Variants in GFRA3 observed in about 807,000 individuals in gnomAD.
GFRA3 encodes the protein GDNF family receptor alpha 3.
A neutral mutation model predicts 40.0 loss-of-function variants in GFRA3; 24 were observed. The ratio of observed to expected loss-of-function variants is 0.60; its 90% CI spans 0.43 to 0.84. The LOEUF (loss-of-function observed/expected upper bound fraction) is 0.84, where lower values mean the gene tolerates loss of function less well. Among genes scored for constraint, GFRA3 ranks in the 40% least tolerant of loss-of-function variants. GFRA3 has a pLI of 0.00. For synonymous variants in GFRA3, 203 were observed against 213.5 expected, an observed-to-expected ratio of 0.95 and a Z score of 0.43; for missense variants, 405 against 530.6, an observed-to-expected ratio of 0.76 and a Z score of 2.33.
At chr5:138,268,924 C>CAAAAAA (rs70979600) in intron 1 of GFRA3, among the ~76,000 whole-genome samples, 1 of 92,416 alleles carries the variant, frequency 1.1e-5, no homozygotes. Flanking sequence ...GACTCCATCT[C>CAAAAAA]AAAAAAAAAA....
chr5:138,258,810 C>T (rs1354542143), intron 3 of GFRA3, among the ~76,000 whole-genome samples: 2 of 152,152 alleles, frequency 1.3e-5, no homozygotes, highest in South Asian at 2.1e-4. Context: ...ATACTCTGTT[C>T]CCCATACTCT....
chr5:138,265,978 G>A (rs1321218508), intron 1 of GFRA3, among the ~76,000 whole-genome samples: 3 of 152,204 alleles, frequency 2.0e-5, no homozygotes, highest in Non-Finnish European at 2.9e-5. Flanking sequence ...TTACAGGCAT[G>A]AGCCACCACA....
intron 1 of GFRA3, among the ~76,000 whole-genome samples, chr5:138,271,913 T>TTTTTTTTTGTG (rs59830655): frequency 1.8e-5 from 1 of 54,328 alleles, no homozygotes; most frequent in African/African-American, 7.0e-5. Context: ...TTTTTTTTTT[T>TTTTTTTTTGTG]TGTGTGTGTG....
Position 138,257,638 on chromosome 5 carries a change from C to G in GFRA3, c.785+1G>C. On this transcript the variant is annotated splice_donor_variant, in intron 4 of 7. Coordinates refer to ENST00000274721, the MANE Select transcript of GFRA3 (RefSeq NM_001496.4). LOFTEE classifies it high-confidence loss of function. ...CCACCCTGTCCTCCCAAACTACACA[C>G]CTGCAAAGCGGGTCGGAGAAGCAGA... is the stretch of plus-strand genomic sequence containing the variant. The G allele has an allele frequency of 6.2e-7, 1 of 1,607,634 alleles. No homozygotes were observed. The highest frequency in any genetic ancestry group is 8.5e-7 in the Non-Finnish European group (1 of 1,178,392).
At position 138,253,109 on chromosome 5, in the gene GFRA3, C is replaced by T. The variant is rs759474104; in HGVS notation, c.1114-52G>A. 1.8e-5 allele frequency: 19 copies of T among 1,044,054 alleles called. No homozygotes were observed. The African/African-American group carries it at 2.6e-4, about 15-fold the overall frequency. The allele number at this position is 1,044,054 out of a possible 1,614,324, so 64.7% of individuals were successfully genotyped here. A position where few individuals can be genotyped will look rare whatever the true frequency, so the allele number is the denominator to read the frequency against. The stretch of plus-strand genomic sequence containing the variant: ...CTCAGGGGATTTTCTTTAGCCCTTT[C>T]ACTACCTCAGCCTCAGTCAAGAGGT... On this transcript the variant is annotated intron_variant, in intron 7 of 7. Transcript: ENST00000274721.
Position 138,259,657 on chromosome 5 carries a change from CA to C in GFRA3, c.380-9del. ...CATCCAGCTCATAGTTACCTAGAGA[CA>C]AGGTGGGGAGCACCAGAATGCTGAG... is the stretch of plus-strand genomic sequence containing the variant. On this transcript the variant is annotated splice_polypyrimidine_tract_variant and intron_variant, in intron 2 of 7. Transcript: ENST00000274721. 8.2e-7 allele frequency: 1 copy of C among 1,215,828 alleles called. No individual in the cohort carries two copies. Among genetic ancestry groups the C allele is most frequent in the Non-Finnish European group, 1.2e-6 (1 of 815,618 alleles). The allele number at this position is 1,215,828 out of a possible 1,614,324, so 75.3% of individuals were successfully genotyped here.
chr5:138,271,892 G>GTTTTTTTTTTTT (rs772736464), intron 1 of GFRA3, among the ~76,000 whole-genome samples: 2 of 59,700 alleles, frequency 3.4e-5, no homozygotes, highest in Non-Finnish European at 5.7e-5. Flanking sequence ...TTTCTTTTCT[G>GTTTTTTTTTTTT]TTTTTTTTTT....
intron 2 of GFRA3, among the ~76,000 whole-genome samples, chr5:138,260,692 C>T (rs758428301): frequency 2.4e-4 from 37 of 152,202 alleles, no homozygotes; most frequent in Non-Finnish European, 3.5e-4. Context: ...TCACTTGAAC[C>T]CGGGAGGCGG....
chr5:138,268,284 GAAAAA>G (rs60958894), intron 1 of GFRA3, among the ~76,000 whole-genome samples: 2 of 33,148 alleles, frequency 6.0e-5, no homozygotes, highest in Admixed American at 6.1e-4. Context: ...GACTCCATCT[GAAAAA>G]AAAAAAAAAA....
At position 138,264,482 on chromosome 5, in the gene GFRA3, G is replaced by C. The variant is rs767700782; in HGVS notation, c.158C>G (p.Ala53Gly). The C allele has an allele frequency of 1.4e-5, 22 of 1,613,112 alleles. No individual in the cohort carries two copies. Among genetic ancestry groups the C allele is most frequent in the Non-Finnish European group, 1.9e-5 (22 of 1,179,124 alleles). ...GTAGGCAGCACTGCAGGTGGGATCA[G>C]CCTGGCACTTCCTCCTGGCCTGGAG... Reference protein sequence around the residue: ...SCLQARRKCQADPTCSAAYHH... With the variant: ...SCLQARRKCQGDPTCSAAYHH... Residue 53 changes from alanine to glycine, a missense_variant, in exon 2 of 8, where the codon GCT becomes GGT. Transcript: ENST00000274721.
chr5:138,265,955 C>T (rs1445865583), intron 1 of GFRA3, among the ~76,000 whole-genome samples: 2 of 152,150 alleles, frequency 1.3e-5, no homozygotes, highest in African/African-American at 2.4e-5. Context: ...CTTGGCCTCC[C>T]GAAGTGCTGG....
chr5:138,269,024 C>G (rs1755828300), intron 1 of GFRA3, among the ~76,000 whole-genome samples: 1 of 151,848 alleles, frequency 6.6e-6, no homozygotes, highest in Non-Finnish European at 1.5e-5. Flanking sequence ...CACAAATAGC[C>G]AACATATGAA....
chr5:138,269,533 T>C (rs972834485), intron 1 of GFRA3, among the ~76,000 whole-genome samples: 1 of 121,620 alleles, frequency 8.2e-6, no homozygotes, highest in African/African-American at 3.2e-5. Context: ...CGAAACTCTG[T>C]CTGAAAAAAA....
chr5:138,258,375 T>C (rs1159381580), intron 3 of GFRA3, among the ~76,000 whole-genome samples: 1 of 151,392 alleles, frequency 6.6e-6, no homozygotes, highest in Non-Finnish European at 1.5e-5. Context: ...AGAAATGGGG[T>C]TTCATCATGT....
rs370854990 is a variant in GFRA3 at position 138,272,161 on chromosome 5, A to C, written c.91+2173T>G. Among the ~76,000 whole-genome samples the C allele has an allele frequency of 4.0e-4, 61 of 151,122 alleles. No individual in the cohort carries two copies. The South Asian group carries it at 8.4e-3, about 21-fold the overall frequency. On this transcript the variant is annotated intron_variant, in intron 1 of 7. Coordinates refer to ENST00000274721, the MANE Select transcript of GFRA3 (RefSeq NM_001496.4). ...GTTGGGACTACAGGCGCCCACCAGC[A>C]TGCCTGGCTAATTTTTTCTATTTTT...
At chr5:138,265,524 C>A (rs1394646818) in intron 1 of GFRA3, among the ~76,000 whole-genome samples, 1 of 151,452 alleles carries the variant, frequency 6.6e-6, no homozygotes, top group Non-Finnish European at 1.5e-5. Flanking sequence ...TAATTCATCT[C>A]TTTCTTTCAC....
rs1755573717 is a variant in GFRA3, at chr5:138,253,144, C to G, written c.1114-87G>C. The G allele has an allele frequency of 4.6e-6, 4 of 864,232 alleles. No individual in the cohort carries two copies. The South Asian group carries it at 5.7e-5, about 12-fold the overall frequency. The allele number at this position is 864,232 out of a possible 1,614,324, so 53.5% of individuals were successfully genotyped here. A position where few individuals can be genotyped will look rare whatever the true frequency, so the allele number is the denominator to read the frequency against. On this transcript the variant is annotated intron_variant, in intron 7 of 7. Transcript: ENST00000274721. ...GCCTCAGTCAAGAGGTATTCCCCTT[C>G]CCCTGAGGTATCCATTAGAGGTCTC...
chr5:138,252,839 C>A lies in GFRA3; in HGVS notation c.*129G>T, dbSNP rs545166015. ...ACCAGTAAGGATCTGGAGGTCATAA[C>A]CCTTAGCTTCTCCTGTGCCCTCATC... On this transcript the variant is annotated 3_prime_UTR_variant, in exon 8 of 8. Coordinates refer to ENST00000274721, the MANE Select transcript of GFRA3 (RefSeq NM_001496.4). 117 of 610,960 alleles carry A rather than the reference C, an allele frequency of 1.9e-4. No homozygotes were observed. In the East Asian group the frequency reaches 3.2e-3, roughly 17 times the overall value. 37.8% of individuals were successfully genotyped at this position (610,960 alleles called of 1,614,324 possible).
At chr5:138,260,884 G>A (rs1033979159) in intron 2 of GFRA3, among the ~76,000 whole-genome samples, 6 of 151,814 alleles carry the variant, frequency 4.0e-5, no homozygotes, top group African/African-American at 9.7e-5. Context: ...AGCTGGGTCC[G>A]GTGGCACACA....
Sources: allele counts gnomAD v4.1 joint callset (sites outside exome capture counted in the v4.1 genomes callset), GRCh38; gene constraint gnomAD v4.1.1; transcripts MANE v1.5; gene names NCBI Gene and HGNC (gene_info 2026-07-23, HGNC 2026-07-21).